The following LUC7L variants were observed in gnomAD, a reference collection of about 807,000 sequenced individuals.
LUC7L encodes LUC7 like, also known as putative RNA-binding protein Luc7-like 1.
A neutral mutation model predicts 51.1 loss-of-function variants in LUC7L; 29 were observed. The observed-to-expected ratio is 0.57, with a 90% confidence interval of 0.42 to 0.77. The LOEUF is 0.77. LUC7L is among the 30% of genes least tolerant of loss of function. The pLI, the probability that LUC7L is intolerant of heterozygous loss-of-function variation, is 0.00. For missense variants in LUC7L, 403 were observed against 511.9 expected, an observed-to-expected ratio of 0.79 and a Z score of 2.05; for synonymous variants, 181 against 180.7, an observed-to-expected ratio of 1.00 and a Z score of -0.01.
chr16:192,502 C>CTTTTT (rs398058029), intron 7 of LUC7L, among the ~76,000 whole-genome samples: 10 of 125,626 alleles, frequency 8.0e-5, no homozygotes, highest in African/African-American at 2.1e-4. Context: ...ATGCTGTTTA[C>CTTTTT]TTTTTTTTTT....
intron 4 of LUC7L, among the ~76,000 whole-genome samples, chr16:207,200 TA>T (rs1412645306): frequency 6.6e-4 from 94 of 142,682 alleles, no homozygotes; most frequent in Non-Finnish European, 6.7e-4. Context: ...CTCTGTCTCT[TA>T]AAAAAAAAAA....
intron 2 of LUC7L, among the ~76,000 whole-genome samples, chr16:223,201 T>C (rs1298163253): frequency 6.6e-6 from 1 of 150,654 alleles, no homozygotes; most frequent in Non-Finnish European, 1.5e-5. Context: ...CTACTAAAAA[T>C]ACAAAAAAAA....
At chr16:203,645 C>T (rs559368228) in intron 5 of LUC7L, among the ~76,000 whole-genome samples, 40 of 148,360 alleles carry the variant, frequency 2.7e-4, no homozygotes, top group Non-Finnish European at 4.3e-4. Context: ...GAGATCAAGC[C>T]TTCAGTGAGC....
At chr16:221,715 A>G (rs2049974454) in intron 2 of LUC7L, among the ~76,000 whole-genome samples, 1 of 152,130 alleles carries the variant, frequency 6.6e-6, no homozygotes, top group Non-Finnish European at 1.5e-5. Flanking sequence ...AAAAGGGGAA[A>G]AAAAAAAGGA....
At chr16:210,726 T>C (rs1463801693) in intron 3 of LUC7L, among the ~76,000 whole-genome samples, 2 of 152,188 alleles carry the variant, frequency 1.3e-5, no homozygotes, top group African/African-American at 4.8e-5. Flanking sequence ...AGAATCCAAA[T>C]TGGCTATGGA....
chr16:204,593 CAAA>C (rs538652126), intron 5 of LUC7L, among the ~76,000 whole-genome samples: 4 of 104,164 alleles, frequency 3.8e-5, no homozygotes, highest in Non-Finnish European at 2.0e-5. Context: ...GACTCCATCT[CAAA>C]AAAAAAAAAA....
chr16:227,395 A>T (rs956091521), intron 1 of LUC7L, 59 bp from the exon 2 acceptor site: 1 of 1,545,712 alleles, frequency 6.5e-7, no homozygotes, highest in Non-Finnish European at 8.8e-7. Flanking sequence ...ACCAAAAAAT[A>T]ACTAGTATAA....
intron 6 of LUC7L, among the ~76,000 whole-genome samples, chr16:195,745 A>G (rs995465325): frequency 6.6e-6 from 1 of 152,120 alleles, no homozygotes; most frequent in Non-Finnish European, 1.5e-5. Flanking sequence ...GTTTTTAAAA[A>G]AATTAAGGAT....
intron 5 of LUC7L, among the ~76,000 whole-genome samples, chr16:204,346 C>T (rs2049418541): frequency 1.3e-5 from 2 of 151,804 alleles, no homozygotes; most frequent in Non-Finnish European, 2.9e-5. Context: ...CCTGTAATCC[C>T]AGCAGTTTGG....
intron 5 of LUC7L, among the ~76,000 whole-genome samples, chr16:201,374 C>T (rs779066153): frequency 7.9e-5 from 12 of 151,128 alleles, no homozygotes; most frequent in Non-Finnish European, 1.6e-4. Context: ...TCAAAATAAA[C>T]TCTGATTATG....
intron 2 of LUC7L, among the ~76,000 whole-genome samples, chr16:222,997 C>T (rs148261707): frequency 6.7e-6 from 1 of 149,238 alleles, no homozygotes; most frequent in African/African-American, 2.5e-5. Flanking sequence ...ACCTTTAATC[C>T]ATCTTGAGGG....
In LUC7L at chr16:189,098, T is replaced by A. The variant is rs2048940457; in HGVS notation, c.*100A>T. 4.5e-6 allele frequency: 6 copies of A among 1,333,662 alleles called. No homozygotes were observed. Among genetic ancestry groups the A allele is most frequent in the Non-Finnish European group, 6.2e-6 (6 of 969,082 alleles). The allele number at this position is 1,333,662 out of a possible 1,614,324, so 82.6% of individuals were successfully genotyped here. A position where few individuals can be genotyped will look rare whatever the true frequency, so the allele number is the denominator to read the frequency against. On this transcript the variant is annotated 3_prime_UTR_variant, in exon 10 of 10. Transcript: ENST00000293872. ...ACAGCTAGCTCCAAAACAATAGAAA[T>A]TTTAAACTACAAAAGATGAGTTGTA... is the stretch of plus-strand genomic sequence containing the variant.
intron 5 of LUC7L, among the ~76,000 whole-genome samples, chr16:202,195 G>A (rs1279763695): frequency 2.6e-5 from 4 of 151,920 alleles, no homozygotes; most frequent in African/African-American, 4.8e-5. Context: ...AAGCTTTTAC[G>A]CTGGGCAGAA....
chr16:225,622 G>T (rs999138775), intron 2 of LUC7L, among the ~76,000 whole-genome samples: 2 of 150,276 alleles, frequency 1.3e-5, no homozygotes, highest in Non-Finnish European at 3.0e-5. Flanking sequence ...GAGTAGCTGG[G>T]ATTACAGGCA....
chr16:202,966 G>C (rs565404364), intron 5 of LUC7L, among the ~76,000 whole-genome samples: 33 of 152,212 alleles, frequency 2.2e-4, no homozygotes, highest in Admixed American at 1.8e-3. Flanking sequence ...TGACCGACAT[G>C]GTGAAACCCC....
At chr16:198,088 G>A (rs189126451) in intron 6 of LUC7L, among the ~76,000 whole-genome samples, 1 of 151,890 alleles carries the variant, frequency 6.6e-6, no homozygotes, top group Non-Finnish European at 1.5e-5. Flanking sequence ...CAAACACGAT[G>A]AAGCCCCGTC....
chr16:196,422 AC>A lies in LUC7L; in HGVS notation c.687+2639del, dbSNP rs202231648. On this transcript the variant is annotated intron_variant, in intron 6 of 9. Coordinates refer to ENST00000293872, the MANE Select transcript of LUC7L (RefSeq NM_201412.3). ...GACCCTGCCTCAAACAAACAAACAA[AC>A]AAACAAAAAAAACCCAACAACTACA... is the stretch of plus-strand genomic sequence containing the variant. 5.7e-3 allele frequency among the ~76,000 whole-genome samples: 873 copies of A among 151,850 alleles called. 16 individuals carry two copies. The highest frequency in any genetic ancestry group is 0.02 in the African/African-American group (807 of 41,252).
intron 2 of LUC7L, among the ~76,000 whole-genome samples, chr16:223,220 G>C (rs9806869): frequency 0.021 from 3,179 of 151,766 alleles, 94 homozygotes; most frequent in African/African-American, 0.072. Flanking sequence ...AATTAGCTGG[G>C]CGCCTGTAGT....
intron 6 of LUC7L, 130 bp downstream of exon 6, chr16:198,932 G>A (rs550890751): frequency 3.0e-4 from 237 of 788,974 alleles, no homozygotes; most frequent in East Asian, 6.5e-4. Context: ...CGCCCACCTC[G>A]GCCTCCCAAA....
Sources: allele counts gnomAD v4.1 joint callset (sites outside exome capture counted in the v4.1 genomes callset), GRCh38; gene constraint gnomAD v4.1.1; transcripts MANE v1.5; gene names NCBI Gene and HGNC (gene_info 2026-07-23, HGNC 2026-07-21).